POMT2: variants seen among roughly 807,000 people sequenced by gnomAD.
The protein encoded by POMT2 is protein O-mannosyl-transferase 2.
In POMT2, 75 loss-of-function variants were observed where a neutral mutation model predicts 100.0. The ratio of observed to expected loss-of-function variants is 0.75; its 90% CI spans 0.62 to 0.91. The LOEUF (loss-of-function observed/expected upper bound fraction) is 0.91, where lower values mean the gene tolerates loss of function less well. Ranked by LOEUF, POMT2 falls within the 40% of genes least tolerant of loss-of-function variation. The probability of loss-of-function intolerance (pLI) is 0.00; values close to 1 mark genes in which losing one functional copy is unlikely to be tolerated. For missense variants in POMT2, 940 were observed against 955.1 expected (o/e 0.98, Z 0.21); for synonymous variants, 378 against 374.1 (o/e 1.01, Z -0.12).
chr14:77,278,834 C>G lies in POMT2; in HGVS notation c.1927G>C (p.Val643Leu), dbSNP rs966965226. ...SQVLLRGGGQ[V>L]LLGWTLHYFP... ...TAATGGAGTGTCCAGCCGAGCAGGA[C>G]CTGGCCGCCTCCTCGAAGCAGGACC... Residue 643 changes from valine (V) to leucine (L), a missense_variant, in exon 19 of 21, where the codon GTC becomes CTC. Val to Leu is a conservative substitution (Grantham distance 32). Coordinates refer to ENST00000261534, the MANE Select transcript of POMT2 (RefSeq NM_013382.7). The G allele has an allele frequency of 9.3e-6, 15 of 1,613,420 alleles. No individual in the cohort carries two copies. The highest frequency in any genetic ancestry group is 1.3e-5 in the African/African-American group (1 of 74,904).
intron 1 of POMT2, among the ~76,000 whole-genome samples, chr14:77,318,282 A>T (rs1349372659): frequency 6.6e-6 from 1 of 152,196 alleles, no homozygotes; most frequent in Non-Finnish European, 1.5e-5. Context: ...TGAGTTTGTC[A>T]TCTCACTATG....
intron 4 of POMT2, among the ~76,000 whole-genome samples, chr14:77,303,307 G>A (rs1236636962): frequency 4.6e-5 from 7 of 152,104 alleles, no homozygotes; most frequent in African/African-American, 1.7e-4. Context: ...ACCTATGATA[G>A]AATCTTATCA....
chr14:77,311,508 G>A (rs2139516937), intron 2 of POMT2, among the ~76,000 whole-genome samples: 1 of 152,236 alleles, frequency 6.6e-6, no homozygotes, highest in South Asian at 2.1e-4. Flanking sequence ...TCCCTGCCCT[G>A]AGATCCTGGC....
chr14:77,286,631 C>T (rs557566272), intron 12 of POMT2, 113 bp downstream of exon 12: 1 of 1,471,034 alleles, frequency 6.8e-7, no homozygotes, highest in African/African-American at 1.4e-5. Flanking sequence ...CCCTGTGCAG[C>T]CTCTTATCCT....
intron 1 of POMT2, among the ~76,000 whole-genome samples, chr14:77,316,040 T>C (rs1038119662): frequency 6.6e-6 from 1 of 152,124 alleles, no homozygotes; most frequent in African/African-American, 2.4e-5. Flanking sequence ...AAAACAACTT[T>C]GTGGCTGCTG....
At chr14:77,289,260 G>A (rs369122044) in intron 10 of POMT2, among the ~76,000 whole-genome samples, 109 of 152,086 alleles carry the variant, frequency 7.2e-4, no homozygotes, top group African/African-American at 2.5e-3. Flanking sequence ...GCGTGGTGGT[G>A]CACGCCTGTA....
chr14:77,316,252 C>G (rs1891621439), intron 1 of POMT2, among the ~76,000 whole-genome samples: 7 of 152,128 alleles, frequency 4.6e-5, no homozygotes, highest in Admixed American at 4.6e-4. Flanking sequence ...CTACTGATAA[C>G]AAGGGAAGGG....
At chr14:77,299,874 A>G in intron 6 of POMT2, 1 of 372,550 alleles carries the variant, frequency 2.7e-6, no homozygotes, top group South Asian at 2.1e-5. Context: ...TCCATGTTCC[A>G]GGTACACTAA....
Position 77,278,480 on chromosome 14 carries a change from G to T in POMT2, c.2061C>A (p.Leu687=). ...GCCATGAGGCCAAGCCCCAGGCACA[G>T]AGCCGCAGGAGGGTGTCCCACAGAA... is the stretch of plus-strand genomic sequence containing the variant. ...TGILWDTLLR[L]CAWGLASWPL... Residue 687 remains leucine, a synonymous_variant, in exon 20 of 21, where the codon CTC becomes CTA. Coordinates refer to ENST00000261534, the MANE Select transcript of POMT2 (RefSeq NM_013382.7). 6.7e-7 allele frequency: 1 copy of T among 1,496,528 alleles called. No homozygotes were observed. The allele number at this position is 1,496,528 out of a possible 1,614,324, so 92.7% of individuals were successfully genotyped here.
intron 12 of POMT2, among the ~76,000 whole-genome samples, chr14:77,286,208 C>T (rs1253240111): frequency 6.6e-6 from 1 of 152,218 alleles, no homozygotes; most frequent in Non-Finnish European, 1.5e-5. Flanking sequence ...AATCTGTATA[C>T]AGTTTTCCAC....
chr14:77,294,446 T>C (rs1017240767), intron 9 of POMT2, among the ~76,000 whole-genome samples: 3 of 152,214 alleles, frequency 2.0e-5, no homozygotes, highest in African/African-American at 4.8e-5. Context: ...CTCAGTCTCC[T>C]GAGTGGCTGG....
intron 3 of POMT2, 38 bp from the exon 4 acceptor site, chr14:77,304,838 G>T (rs1309526381): frequency 6.4e-7 from 1 of 1,556,884 alleles, no homozygotes; most frequent in South Asian, 1.2e-5. Context: ...ATAACAAGCT[G>T]AGCTAGGTCA....
chr14:77,320,651 C>G lies in POMT2; in HGVS notation c.31G>C (p.Glu11Gln). The G allele has an allele frequency of 6.3e-7, 1 of 1,593,732 alleles. No individual in the cohort carries two copies. Residue 11 changes from glutamate to glutamine, a missense_variant, in exon 1 of 21, where the codon GAG becomes CAG. By Grantham distance (29) the Glu-to-Gln change is conservative. Coordinates refer to ENST00000261534, the MANE Select transcript of POMT2 (RefSeq NM_013382.7). ...CCCCTCCGGGGACGCAGCTCGGACT[C>G]TGCCAGGCCTCCGCCCGTGGCCGGC... MPPATGGGLA[E>Q]SELRPRRGRC...
At chr14:77,279,111 A>G in intron 18 of POMT2, 1 of 596,984 alleles carries the variant, frequency 1.7e-6, no homozygotes, top group Non-Finnish European at 3.0e-6. Flanking sequence ...AGCAGGAGGC[A>G]GCCCAGCCTC....
chr14:77,296,342 G>C, intron 8 of POMT2, 69 bp from the exon 9 acceptor site: 4 of 1,097,386 alleles, frequency 3.6e-6, no homozygotes, highest in Non-Finnish European at 5.4e-6. Flanking sequence ...CCTGCGAGGA[G>C]CCTCGGAAGC....
intron 8 of POMT2, 139 bp from the exon 9 acceptor site, chr14:77,296,412 C>G (rs368007604): frequency 5.7e-5 from 38 of 662,622 alleles, no homozygotes; most frequent in East Asian, 3.0e-4. Context: ...GCCCAGCTAC[C>G]TTCTCACTCC....
intron 8 of POMT2, among the ~76,000 whole-genome samples, chr14:77,297,103 C>A (rs560363746): frequency 6.6e-6 from 1 of 152,242 alleles, no homozygotes; most frequent in African/African-American, 2.4e-5. Context: ...AAAGAGAGGA[C>A]GACTTGATCG....
At position 77,304,679 on chromosome 14, in the gene POMT2, TAA is replaced by T; in HGVS notation, c.547+11_547+12del. ...CATTTCCCAAAAGCCATGGTATGGC[TAA>T]GACAACTTACCAAAGGTGAGGAGGG... is the stretch of plus-strand genomic sequence containing the variant. On this transcript the variant is annotated intron_variant, in intron 4 of 20. Coordinates refer to ENST00000261534, the MANE Select transcript of POMT2 (RefSeq NM_013382.7). 6.4e-7 allele frequency: 1 copy of T among 1,572,146 alleles called. No homozygotes were observed. Among genetic ancestry groups the T allele is most frequent in the Non-Finnish European group, 8.6e-7 (1 of 1,159,100 alleles).
At chr14:77,278,664 T>G (rs1890077920) in intron 19 of POMT2, 65 bp downstream of exon 19, 2 of 1,599,364 alleles carry the variant, frequency 1.3e-6, no homozygotes, top group Non-Finnish European at 1.7e-6. Context: ...CTCCCAGCAC[T>G]GCTGCCCAAC....
Sources: gnomAD v4.1 joint callset for allele counts (sites outside exome capture counted in the v4.1 genomes callset) on GRCh38, gnomAD v4.1.1 for gene constraint, MANE v1.5 for transcripts, NCBI Gene and HGNC (gene_info 2026-07-23, HGNC 2026-07-21) for gene names.